The following FILIP1L variants were observed in gnomAD, a reference collection of about 807,000 sequenced individuals.
FILIP1L encodes filamin A interacting protein 1 like.
In FILIP1L, 55 loss-of-function variants were observed where a neutral mutation model predicts 96.6. The observed-to-expected ratio is 0.57, with a 90% CI of 0.46 to 0.71. The LOEUF is 0.71. FILIP1L is among the 30% of genes least tolerant of loss of function. The probability of loss-of-function intolerance (pLI) is 0.00; values close to 1 mark genes in which losing one functional copy is unlikely to be tolerated. For missense variants in FILIP1L, 1,304 were observed against 1,321.2 expected (o/e 0.99, Z 0.20); for synonymous variants, 467 against 473.9 (o/e 0.99, Z 0.19).
intron 4 of FILIP1L, among the ~76,000 whole-genome samples, chr3:99,879,175 T>C (rs1339183696): frequency 2.6e-5 from 4 of 152,230 alleles, no homozygotes; most frequent in Admixed American, 6.5e-5. Flanking sequence ...TAAACTGTTA[T>C]TTAGAAATGA....
intron 1 of FILIP1L, among the ~76,000 whole-genome samples, chr3:100,028,956 T>C (rs1290534068): frequency 2.0e-5 from 3 of 152,126 alleles, no homozygotes; most frequent in African/African-American, 7.2e-5. Context: ...CTGTTGATGT[T>C]TTACAAGCTC....
At chr3:100,048,243 A>G (rs2065309690) in intron 1 of FILIP1L, among the ~76,000 whole-genome samples, 2 of 152,242 alleles carry the variant, frequency 1.3e-5, no homozygotes, top group South Asian at 4.1e-4. Flanking sequence ...TTTACTAGGA[A>G]AACTAGCAAT....
At chr3:99,845,440 T>G (rs1326192949) in intron 5 of FILIP1L, among the ~76,000 whole-genome samples, 2 of 152,122 alleles carry the variant, frequency 1.3e-5, no homozygotes, top group African/African-American at 4.8e-5. Flanking sequence ...GAAAAAACAG[T>G]CTATCTTCTG....
At chr3:99,949,607 A>G (rs936510145) in intron 1 of FILIP1L, among the ~76,000 whole-genome samples, 5 of 152,206 alleles carry the variant, frequency 3.3e-5, no homozygotes, top group Non-Finnish European at 7.3e-5. Flanking sequence ...CTGTATTTCA[A>G]AGTACTTAAT....
intron 1 of FILIP1L, among the ~76,000 whole-genome samples, chr3:99,973,913 T>G (rs1708894750): frequency 6.6e-6 from 1 of 152,226 alleles, no homozygotes; most frequent in Non-Finnish European, 1.5e-5. Flanking sequence ...GATAAATAAC[T>G]TTTCAAAGAT....
chr3:99,850,828 TC>T lies in FILIP1L; in HGVS notation c.847del (p.Glu283ArgfsTer9). ...KLALAEARVQ[E>X]EEQKATRLEK... ...TAGTCTGGTTGCCTTCTGCTCTTCC[TC>T]CTGAACTCTGGCTTCAGCAAGGGCT... is the stretch of plus-strand genomic sequence containing the variant. On this transcript the variant is annotated frameshift_variant, in exon 5 of 6. Coordinates refer to ENST00000477258, the MANE Select transcript of FILIP1L (RefSeq NM_001387850.1). LOFTEE classifies it high-confidence loss of function. 6.2e-7 allele frequency: 1 copy of T among 1,614,204 alleles called. No individual in the cohort carries two copies. Among genetic ancestry groups the T allele is most frequent in the Non-Finnish European group, 8.5e-7 (1 of 1,180,034 alleles).
intron 1 of FILIP1L, among the ~76,000 whole-genome samples, chr3:99,987,885 A>G (rs1329152827): frequency 6.6e-6 from 1 of 152,352 alleles, no homozygotes; most frequent in East Asian, 1.9e-4. Context: ...AATAATGCAC[A>G]TAGTTCTAGA....
At chr3:100,047,117 T>A (rs1038910729) in intron 1 of FILIP1L, among the ~76,000 whole-genome samples, 1 of 152,190 alleles carries the variant, frequency 6.6e-6, no homozygotes, top group African/African-American at 2.4e-5. Context: ...TAACCTAAAT[T>A]TCCTTGTTGG....
At chr3:99,863,391 C>T (rs1944357237) in intron 4 of FILIP1L, among the ~76,000 whole-genome samples, 1 of 152,086 alleles carries the variant, frequency 6.6e-6, no homozygotes, top group South Asian at 2.1e-4. Flanking sequence ...GTTGGGGACT[C>T]CTGTACGTGG....
intron 1 of FILIP1L, among the ~76,000 whole-genome samples, chr3:100,092,624 T>C (rs2066130229): frequency 6.7e-6 from 1 of 149,186 alleles, no homozygotes; most frequent in Non-Finnish European, 1.5e-5. Context: ...AGTCAATGCA[T>C]GTTAAGCTCC....
chr3:99,999,831 T>TA (rs946055887), intron 1 of FILIP1L, among the ~76,000 whole-genome samples: 8 of 152,086 alleles, frequency 5.3e-5, no homozygotes, highest in Non-Finnish European at 1.0e-4. Context: ...CTGCTAGATT[T>TA]AAAAAAACAA....
intron 1 of FILIP1L, among the ~76,000 whole-genome samples, chr3:100,031,854 T>C (rs2065027404): frequency 6.6e-6 from 1 of 152,198 alleles, no homozygotes; most frequent in Admixed American, 6.5e-5. Flanking sequence ...GGCCATATGG[T>C]CTGTGTAGTA....
chr3:100,043,780 A>G (rs1456598345), intron 1 of FILIP1L, among the ~76,000 whole-genome samples: 3 of 152,240 alleles, frequency 2.0e-5, no homozygotes, highest in Non-Finnish European at 2.9e-5. Flanking sequence ...TAACATATCC[A>G]TCACCTCACC....
chr3:99,836,852 A>G (rs191758628), intron 5 of FILIP1L, among the ~76,000 whole-genome samples: 9 of 152,342 alleles, frequency 5.9e-5, no homozygotes, highest in African/African-American at 1.9e-4. Flanking sequence ...GTCTGAACCA[A>G]TCAGACAAAT....
chr3:99,890,843 A>G (rs1334693149), intron 4 of FILIP1L, among the ~76,000 whole-genome samples: 4 of 151,558 alleles, frequency 2.6e-5, no homozygotes, highest in African/African-American at 9.7e-5. Flanking sequence ...CAATAATTGT[A>G]TATTATTTTC....
At chr3:100,026,918 TAACCCATAAGACTCTCCG>T (rs559382618) in intron 1 of FILIP1L, among the ~76,000 whole-genome samples, 84 of 152,178 alleles carry the variant, frequency 5.5e-4, no homozygotes, top group African/African-American at 1.9e-3. Context: ...ATCCTCCCAA[TAACCCATAAGACTCTCCG>T]ACCTCATCTC....
chr3:99,900,684 C>T (rs192383537), intron 4 of FILIP1L, among the ~76,000 whole-genome samples: 44 of 152,302 alleles, frequency 2.9e-4, no homozygotes, highest in African/African-American at 1.1e-3. Context: ...TGTAATCTTC[C>T]CTCTTTCTTC....
chr3:100,086,570 T>A (rs180924409), intron 1 of FILIP1L, among the ~76,000 whole-genome samples: 1 of 152,340 alleles, frequency 6.6e-6, no homozygotes, highest in East Asian at 1.9e-4. Context: ...AAAATTAAAC[T>A]GGTATTTATT....
chr3:99,925,505 T>TTTTTG (rs1024734193), intron 3 of FILIP1L, among the ~76,000 whole-genome samples: 7 of 152,342 alleles, frequency 4.6e-5, no homozygotes, highest in African/African-American at 1.2e-4. Flanking sequence ...ACTGAGATTT[T>TTTTTG]TTTTGTTTTG....
Sources: allele counts gnomAD v4.1 joint callset (sites outside exome capture counted in the v4.1 genomes callset), GRCh38; gene constraint gnomAD v4.1.1; transcripts MANE v1.5; gene names NCBI Gene and HGNC (gene_info 2026-07-23, HGNC 2026-07-21).